The following SLC8A3 variants were observed in gnomAD, a reference collection of about 807,000 sequenced individuals.
SLC8A3 encodes sodium/calcium exchanger 3.
SLC8A3 carries 37 observed loss-of-function variants against 65.4 expected under a neutral mutation model. That is an observed-to-expected ratio of 0.57 (90% CI 0.44 to 0.74). The LOEUF (loss-of-function observed/expected upper bound fraction) is 0.74. Ranked by LOEUF, SLC8A3 falls within the 30% of genes least tolerant of loss-of-function variation. SLC8A3 has a pLI of 0.00. For synonymous variants in SLC8A3, 461 were observed against 444.5 expected (o/e 1.04, Z -0.47); for missense variants, 1,112 against 1,172.1 (o/e 0.95, Z 0.75).
chr14:70,153,530 T>C (rs1205940749), intron 2 of SLC8A3, among the ~76,000 whole-genome samples: 1 of 152,200 alleles, frequency 6.6e-6, no homozygotes, highest in African/African-American at 2.4e-5. Flanking sequence ...TGCCTCTGTA[T>C]GGCCACAGCC....
Position 70,167,775 on chromosome 14 carries a change from C to T in SLC8A3, c.648G>A (p.Trp216Ter). 1.2e-6 allele frequency: 2 copies of T among 1,614,114 alleles called. No homozygotes were observed. The highest frequency in any genetic ancestry group is 1.7e-6 in the Non-Finnish European group (2 of 1,180,020). ...AGAAGACTGCCAGAATCATATAGAG[C>T]CAGATGTAGGCAAAGATACTCCAAG... ...TAAWSIFAYI[W>*]LYMILAVFSP... The change falls in exon 2 of 7, where the codon TGG becomes TGA. Residue 216 changes from tryptophan to a stop codon, truncating the protein, a stop_gained. Transcript: ENST00000356921. LOFTEE classifies it high-confidence loss of function.
intron 2 of SLC8A3, among the ~76,000 whole-genome samples, chr14:70,071,963 G>A (rs1196286766): frequency 2.0e-5 from 3 of 152,246 alleles, no homozygotes; most frequent in Middle Eastern, 3.4e-3. Context: ...ACCCTCCTTT[G>A]AGCCCTCTGC....
intron 2 of SLC8A3, among the ~76,000 whole-genome samples, chr14:70,108,961 C>T (rs1403106473): frequency 6.6e-6 from 1 of 152,188 alleles, no homozygotes; most frequent in African/African-American, 2.4e-5. Context: ...TCTATTCTCT[C>T]AGGTTGCACC....
In SLC8A3 at chr14:70,167,845, T is replaced by C; in HGVS notation, c.578A>G (p.Glu193Gly). The C allele has an allele frequency of 1.9e-6, 3 of 1,614,090 alleles. No homozygotes were observed. Among genetic ancestry groups the C allele is most frequent in the Non-Finnish European group, 2.5e-6 (3 of 1,180,020 alleles). The change falls in exon 2 of 7, where the codon GAG becomes GGG. Residue 193 changes from glutamate (E) to glycine (G), a missense_variant. Physicochemically the swap from Glu to Gly is moderately conservative, Grantham distance 98. Transcript: ENST00000356921. ...GICVYVIPDGETRKIKHLRVF... is the reference protein window; with the variant it reads ...GICVYVIPDGGTRKIKHLRVF... ...TCGTAGATGCTTGATCTTGCGAGTC[T>C]CTCCGTCTGGGATCACGTAGACACA...
Position 70,167,040 on chromosome 14 carries a change from C to G in SLC8A3, c.1383G>C (p.Gln461His), listed in dbSNP as rs191049444. 30 of 1,613,930 alleles carry G rather than the reference C, an allele frequency of 1.9e-5. No homozygotes were observed. In the Admixed American group the frequency reaches 2.8e-4, roughly 15 times the overall value. The change falls in exon 2 of 7, where the codon CAG becomes CAC. Residue 461 changes from glutamine to histidine, a missense_variant. Coordinates refer to ENST00000356921, the MANE Select transcript of SLC8A3 (RefSeq NM_182932.3). ...CAATTATGCCCACGGAGAACTCCTT[C>G]TGGGTCTCTCCTGGCTTCAGAACCA... is the stretch of plus-strand genomic sequence containing the variant. ...GTVVLKPGET[Q>H]KEFSVGIIDD... is the part of the protein sequence containing the mutation.
chr14:70,148,136 T>C (rs1463882731), intron 2 of SLC8A3, among the ~76,000 whole-genome samples: 1 of 152,242 alleles, frequency 6.6e-6, no homozygotes, highest in African/African-American at 2.4e-5. Flanking sequence ...TTCAACACCT[T>C]ATTTTAAAAT....
intron 2 of SLC8A3, among the ~76,000 whole-genome samples, chr14:70,069,448 G>C (rs569942805): frequency 5.9e-5 from 9 of 152,302 alleles, no homozygotes; most frequent in Non-Finnish European, 1.2e-4. Context: ...TATCCTTGCT[G>C]CTCCGGGTCA....
intron 2 of SLC8A3, among the ~76,000 whole-genome samples, chr14:70,132,519 G>T (rs895924007): frequency 6.6e-6 from 1 of 152,196 alleles, no homozygotes. Flanking sequence ...CATTGTCTGT[G>T]TGCGGGCATG....
chr14:70,160,556 T>C (rs1896822859), intron 2 of SLC8A3, among the ~76,000 whole-genome samples: 2 of 152,204 alleles, frequency 1.3e-5, no homozygotes, highest in Non-Finnish European at 2.9e-5. Context: ...AGTTCTGGAA[T>C]CAATCTCTTG....
intron 2 of SLC8A3, among the ~76,000 whole-genome samples, chr14:70,155,464 A>G (rs1200524536): frequency 2.0e-5 from 3 of 152,208 alleles, no homozygotes; most frequent in Non-Finnish European, 2.9e-5. Flanking sequence ...CATATGAGTG[A>G]GAATATGTGG....
chr14:70,168,253 C>A lies in SLC8A3; in HGVS notation c.170G>T (p.Gly57Val), dbSNP rs754722308. Residue 57 changes from glycine (G) to valine (V), a missense_variant, in exon 2 of 7, where the codon GGT becomes GTT. By Grantham distance (109) the Gly-to-Val change is moderately radical. Transcript: ENST00000356921. ...SCSGSSDCKE[G>V]VILPIWYPEN... ...CGGGTACCAGATTGGCAGGATGACA[C>A]CCTCCTTGCAGTCCGATGACCCTGA... 7 of 1,614,158 alleles carry A rather than the reference C, an allele frequency of 4.3e-6. No individual in the cohort carries two copies. Among genetic ancestry groups the A allele is most frequent in the Non-Finnish European group, 5.9e-6 (7 of 1,180,034 alleles).
intron 2 of SLC8A3, among the ~76,000 whole-genome samples, chr14:70,099,874 C>T (rs552222806): frequency 2.2e-4 from 33 of 152,350 alleles, no homozygotes; most frequent in African/African-American, 7.7e-4. Flanking sequence ...GAATCTGCTG[C>T]TCACCTAAAT....
At chr14:70,072,010 T>C (rs1233644632) in intron 2 of SLC8A3, among the ~76,000 whole-genome samples, 1 of 152,192 alleles carries the variant, frequency 6.6e-6, no homozygotes, top group Non-Finnish European at 1.5e-5. Context: ...CTAGCTGGAC[T>C]CATCAGAGAT....
intron 2 of SLC8A3, among the ~76,000 whole-genome samples, chr14:70,115,705 G>A (rs1893607597): frequency 6.6e-6 from 1 of 152,106 alleles, no homozygotes; most frequent in Admixed American, 6.5e-5. Flanking sequence ...CACTAGCTGA[G>A]CACACAGCCA....
intron 2 of SLC8A3, among the ~76,000 whole-genome samples, chr14:70,071,552 C>A (rs1890016587): frequency 6.6e-6 from 1 of 152,154 alleles, no homozygotes; most frequent in Non-Finnish European, 1.5e-5. Context: ...GGACCTCCAA[C>A]CTCAAGCCAC....
chr14:70,132,893 C>T (rs769041806), intron 2 of SLC8A3, among the ~76,000 whole-genome samples: 6 of 152,030 alleles, frequency 3.9e-5, no homozygotes, highest in African/African-American at 7.2e-5. Context: ...TTTTGGGGGG[C>T]CAGCCACCAA....
chr14:70,049,441 C>T (rs926811289), intron 5 of SLC8A3, among the ~76,000 whole-genome samples: 5 of 152,100 alleles, frequency 3.3e-5, no homozygotes, highest in African/African-American at 9.7e-5. Flanking sequence ...AATGAGAACA[C>T]ATGGACACAG....
At chr14:70,083,182 G>A (rs1038839321) in intron 2 of SLC8A3, among the ~76,000 whole-genome samples, 25 of 152,156 alleles carry the variant, frequency 1.6e-4, no homozygotes, top group African/African-American at 4.8e-4. Flanking sequence ...GACCACATAC[G>A]TAGAGTGATT....
chr14:70,072,016 G>A (rs755506793), intron 2 of SLC8A3, among the ~76,000 whole-genome samples: 1 of 152,168 alleles, frequency 6.6e-6, no homozygotes, highest in Non-Finnish European at 1.5e-5. Context: ...GGACTCATCA[G>A]AGATAACCTA....
Sources: allele counts gnomAD v4.1 joint callset (sites outside exome capture counted in the v4.1 genomes callset), GRCh38; gene constraint gnomAD v4.1.1; transcripts MANE v1.5; gene names NCBI Gene and HGNC (gene_info 2026-07-23, HGNC 2026-07-21).